Variants in DPP6 observed in about 807,000 individuals in gnomAD.
DPP6 encodes the protein A-type potassium channel modulatory protein DPP6.
A neutral mutation model predicts 122.6 loss-of-function variants in DPP6; 69 were observed. That is an observed-to-expected ratio of 0.56 (90% CI 0.46 to 0.69). The LOEUF is 0.69. DPP6 is among the 30% of genes least tolerant of loss of function. The probability of loss-of-function intolerance (pLI) is 0.00; values close to 1 mark genes in which losing one functional copy is unlikely to be tolerated. For synonymous variants in DPP6, 418 were observed against 433.1 expected (o/e 0.97, Z 0.43); for missense variants, 928 against 1,116.9 (o/e 0.83, Z 2.41).
At chr7:154,070,321 A>G (rs371595205) in intron 1 of DPP6, among the ~76,000 whole-genome samples, 3 of 151,774 alleles carry the variant, frequency 2.0e-5, no homozygotes, top group Admixed American at 1.3e-4. Context: ...TCACAAATTA[A>G]TTATATGGAA....
intron 6 of DPP6, among the ~76,000 whole-genome samples, chr7:154,642,007 A>G (rs1304189858): frequency 6.6e-6 from 1 of 152,208 alleles, no homozygotes; most frequent in East Asian, 1.9e-4. Flanking sequence ...CATATTCTGT[A>G]TCTGTGGAAA....
chr7:153,796,442 A>G, the DPP6 span, among the ~76,000 whole-genome samples: 3 of 147,264 alleles, frequency 2.0e-5, no homozygotes, highest in Non-Finnish European at 4.5e-5. Context: ...TATGACCCAT[A>G]TTAATGTGAT....
At chr7:154,084,718 G>A (rs1373114145) in intron 1 of DPP6, among the ~76,000 whole-genome samples, 14 of 143,182 alleles carry the variant, frequency 9.8e-5, no homozygotes, top group South Asian at 9.4e-4. Context: ...CCTTGGGTGC[G>A]TTGGCTCACG....
At chr7:154,778,249 A>T (rs1257031420) in intron 10 of DPP6, among the ~76,000 whole-genome samples, 1 of 152,110 alleles carries the variant, frequency 6.6e-6, no homozygotes, top group African/African-American at 2.4e-5. Flanking sequence ...TCCTGTGAGC[A>T]CCATGTGGAG....
At chr7:153,935,893 G>A (rs1033415588) in intron 1 of DPP6, among the ~76,000 whole-genome samples, 2 of 152,244 alleles carry the variant, frequency 1.3e-5, no homozygotes, top group Non-Finnish European at 2.9e-5. Flanking sequence ...AAGACCTGGG[G>A]CTGGTTACAT....
At chr7:154,265,679 G>A (rs2150923853) in intron 1 of DPP6, among the ~76,000 whole-genome samples, 1 of 152,170 alleles carries the variant, frequency 6.6e-6, no homozygotes, top group South Asian at 2.1e-4. Flanking sequence ...TTACTGTTTT[G>A]GTCAAAGAAT....
intron 1 of DPP6, among the ~76,000 whole-genome samples, chr7:154,070,576 A>AT (rs201619046): frequency 2.9e-4 from 44 of 151,872 alleles, no homozygotes; most frequent in African/African-American, 9.4e-4. Flanking sequence ...CTTCTCTAAG[A>AT]TTTTTTTTTC....
chr7:154,356,663 C>G (rs932377506), intron 1 of DPP6, among the ~76,000 whole-genome samples: 1 of 152,074 alleles, frequency 6.6e-6, no homozygotes, highest in Non-Finnish European at 1.5e-5. Flanking sequence ...AACTGAATTC[C>G]ATGGGCTTCT....
chr7:153,885,003 T>C (rs913249367), upstream of DPP6, among the ~76,000 whole-genome samples: 43 of 144,984 alleles, frequency 3.0e-4, 1 homozygote, highest in Middle Eastern at 3.6e-3. Flanking sequence ...TATATATATA[T>C]ATATATATAT....
chr7:153,865,655 ATTT>A, the DPP6 span, among the ~76,000 whole-genome samples: 3 of 152,130 alleles, frequency 2.0e-5, no homozygotes, highest in Non-Finnish European at 4.4e-5. Context: ...TATTTTTTAA[ATTT>A]TATTATTACT....
At chr7:154,099,081 G>A (rs1431572059) in intron 1 of DPP6, among the ~76,000 whole-genome samples, 1 of 150,304 alleles carries the variant, frequency 6.7e-6, no homozygotes, top group South Asian at 2.2e-4. Flanking sequence ...TTTGCAGAGA[G>A]TAAAAATGGA....
chr7:154,014,995 T>C (rs1204017433), intron 1 of DPP6, among the ~76,000 whole-genome samples: 3 of 152,164 alleles, frequency 2.0e-5, no homozygotes, highest in Admixed American at 6.5e-5. Context: ...ATTCAGGCAC[T>C]TGAAGTTCAT....
chr7:154,621,874 G>A (rs1050979853), intron 5 of DPP6, among the ~76,000 whole-genome samples: 16 of 152,168 alleles, frequency 1.1e-4, no homozygotes, highest in African/African-American at 3.9e-4. Context: ...TGAGTCCATA[G>A]AATGTCTGGG....
At chr7:154,801,263 A>T (rs1386149459) in intron 12 of DPP6, 92 bp from the exon 13 acceptor site, 2 of 1,500,340 alleles carry the variant, frequency 1.3e-6, no homozygotes, top group Non-Finnish European at 1.8e-6. Flanking sequence ...ATCACATAGA[A>T]AATGTATCTC....
chr7:154,424,830 T>A lies in DPP6; in HGVS notation c.244-21384T>A, dbSNP rs57501679. ...TGACACTTAAATGCTTCCCTGGCTC[T>A]TCTCATTTGCAAGTTGAAGGCACTG... On this transcript the variant is annotated intron_variant, in intron 1 of 25. Coordinates refer to ENST00000377770, the MANE Select transcript of DPP6 (RefSeq NM_130797.4). 3.1e-3 allele frequency among the ~76,000 whole-genome samples: 475 copies of A among 152,284 alleles called. 2 individuals carry two copies. Among genetic ancestry groups the A allele is most frequent in the African/African-American group, 0.011 (449 of 41,562 alleles).
At chr7:153,795,143 G>T in the DPP6 span, among the ~76,000 whole-genome samples, 1 of 152,220 alleles carries the variant, frequency 6.6e-6, no homozygotes, top group African/African-American at 2.4e-5. Context: ...TCTGGCCGGT[G>T]CAGTGGCTTA....
At chr7:154,817,585 C>G (rs76991463) in intron 16 of DPP6, among the ~76,000 whole-genome samples, 1 of 151,836 alleles carries the variant, frequency 6.6e-6, no homozygotes, top group East Asian at 1.9e-4. Flanking sequence ...ATCGATGTTA[C>G]GAATATCATG....
intron 5 of DPP6, among the ~76,000 whole-genome samples, chr7:154,619,830 G>A (rs540147534): frequency 6.6e-6 from 1 of 152,304 alleles, no homozygotes; most frequent in East Asian, 1.9e-4. Flanking sequence ...CTCTGATGGT[G>A]GGGCCTCAAC....
intron 1 of DPP6, among the ~76,000 whole-genome samples, chr7:154,444,614 G>A (rs930341542): frequency 6.6e-6 from 1 of 152,194 alleles, no homozygotes; most frequent in African/African-American, 2.4e-5. Context: ...AACAGCGTTT[G>A]AGGAATGTCA....
Sources: gnomAD v4.1 joint callset for allele counts (sites outside exome capture counted in the v4.1 genomes callset) on GRCh38, gnomAD v4.1.1 for gene constraint, MANE v1.5 for transcripts, NCBI Gene and HGNC (gene_info 2026-07-23, HGNC 2026-07-21) for gene names.